PCDH9: variants seen among roughly 807,000 people sequenced by gnomAD.
PCDH9 encodes protocadherin 9.
Under a neutral mutation model 70.6 loss-of-function variants are expected in PCDH9, and 24 were observed. The ratio of observed to expected loss-of-function variants is 0.34; its 90% CI spans 0.25 to 0.48. The LOEUF is 0.48. Ranked by LOEUF, PCDH9 falls within the 20% of genes least tolerant of loss-of-function variation. The pLI is 0.99. For missense variants in PCDH9, 1,281 were observed against 1,503.6 expected (o/e 0.85, Z 2.45); for synonymous variants, 562 against 558.5 (o/e 1.01, Z -0.09).
intron 3 of PCDH9, among the ~76,000 whole-genome samples, chr13:66,687,801 T>A (rs2078425899): frequency 6.6e-6 from 1 of 152,148 alleles, no homozygotes; most frequent in Non-Finnish European, 1.5e-5. Flanking sequence ...TGCCCTCAAC[T>A]GCTCCCCTTT....
intron 3 of PCDH9, among the ~76,000 whole-genome samples, chr13:66,713,652 T>TATATATAA (rs1356252438): frequency 3.6e-5 from 5 of 139,510 alleles, no homozygotes; most frequent in African/African-American, 1.3e-4. Context: ...TATATATATA[T>TATATATAA]AATGTACACA....
At chr13:66,320,506 A>G (rs2138086824) in intron 4 of PCDH9, among the ~76,000 whole-genome samples, 1 of 152,160 alleles carries the variant, frequency 6.6e-6, no homozygotes, top group East Asian at 1.9e-4. Context: ...TTATAAAGTT[A>G]AGCTGTTGTC....
intron 4 of PCDH9, among the ~76,000 whole-genome samples, chr13:66,482,694 A>T (rs997560316): frequency 1.6e-4 from 25 of 152,232 alleles, no homozygotes; most frequent in Admixed American, 1.5e-3. Context: ...CATCAGCATC[A>T]GCAGTGTTTT....
intron 4 of PCDH9, among the ~76,000 whole-genome samples, chr13:66,530,492 T>G (rs150371312): frequency 2.6e-4 from 39 of 152,110 alleles, no homozygotes; most frequent in Non-Finnish European, 4.1e-4. Context: ...TATGGTATCT[T>G]TTTTTATTCT....
At chr13:67,157,895 G>A (rs990228107) in intron 2 of PCDH9, among the ~76,000 whole-genome samples, 17 of 152,208 alleles carry the variant, frequency 1.1e-4, no homozygotes, top group African/African-American at 4.1e-4. Context: ...CTCAGTCTGG[G>A]CTCTGGCAGA....
intron 3 of PCDH9, among the ~76,000 whole-genome samples, chr13:66,678,113 C>T (rs889382244): frequency 6.6e-6 from 1 of 152,192 alleles, no homozygotes; most frequent in African/African-American, 2.4e-5. Context: ...TTTGAAAATT[C>T]ATGAGTATTT....
chr13:66,511,572 C>T (rs1459267848), intron 4 of PCDH9, among the ~76,000 whole-genome samples: 1 of 151,930 alleles, frequency 6.6e-6, no homozygotes, highest in Admixed American at 6.6e-5. Context: ...GATGTTTTTC[C>T]TGCTCAAATC....
chr13:66,623,735 G>C (rs772285383), intron 4 of PCDH9, among the ~76,000 whole-genome samples: 6 of 152,114 alleles, frequency 3.9e-5, no homozygotes, highest in Non-Finnish European at 8.8e-5. Context: ...CACTGCACCC[G>C]AGTCATACTC....
chr13:66,944,084 A>C (rs1051555841), intron 2 of PCDH9, among the ~76,000 whole-genome samples: 1 of 152,168 alleles, frequency 6.6e-6, no homozygotes, highest in Non-Finnish European at 1.5e-5. Flanking sequence ...TCATTAAGTA[A>C]TTTATCAAAC....
chr13:66,842,942 C>T (rs564460689), intron 3 of PCDH9, among the ~76,000 whole-genome samples: 20 of 152,234 alleles, frequency 1.3e-4, no homozygotes, highest in South Asian at 1.0e-3. Context: ...ATGGAAACCA[C>T]GAAAGAAGGG....
intron 3 of PCDH9, among the ~76,000 whole-genome samples, chr13:66,897,684 T>C (rs949508077): frequency 6.6e-6 from 1 of 152,186 alleles, no homozygotes; most frequent in Non-Finnish European, 1.5e-5. Flanking sequence ...TCTATACTAC[T>C]GCAGTATAAG....
intron 2 of PCDH9, among the ~76,000 whole-genome samples, chr13:66,989,978 G>A (rs908614628): frequency 1.3e-5 from 2 of 151,778 alleles, no homozygotes; most frequent in East Asian, 3.9e-4. Context: ...TTCAAAGACT[G>A]ATAACAAAAT....
Position 66,891,855 on chromosome 13 carries a change from T to C in PCDH9, c.3138+11649A>G, listed in dbSNP as rs538138152. On this transcript the variant is annotated intron_variant, in intron 3 of 4. Transcript: ENST00000377865. ...TTGTTTTATGTTTTGGTTTGCTTTT[T>C]GTATCATCTTTAGACTCCAGCACTG... 2.9e-4 allele frequency among the ~76,000 whole-genome samples: 44 copies of C among 152,084 alleles called. No individual in the cohort carries two copies. In the East Asian group the frequency reaches 8.3e-3, roughly 29 times the overall value.
At chr13:66,654,688 T>C (rs2077903104) in intron 3 of PCDH9, among the ~76,000 whole-genome samples, 1 of 151,896 alleles carries the variant, frequency 6.6e-6, no homozygotes, top group African/African-American at 2.4e-5. Context: ...ACAGATATAC[T>C]TGTTGTTTGT....
In PCDH9 at chr13:66,701,267, G is replaced by GTATA. The variant is rs111432563; in HGVS notation, c.3139-69860_3139-69857dup. Among the ~76,000 whole-genome samples the GTATA allele has an allele frequency of 6.9e-3, 1,031 of 150,144 alleles. 15 individuals carry two copies. Among genetic ancestry groups the GTATA allele is most frequent in the African/African-American group, 0.024 (975 of 41,052 alleles). ...TACTGTGAACAACAACCGTTTTTGT[G>GTATA]TATATATATATACACACACACGCAC... On this transcript the variant is annotated intron_variant, in intron 3 of 4. Coordinates refer to ENST00000377865, the MANE Select transcript of PCDH9 (RefSeq NM_203487.3).
At chr13:67,106,374 A>G (rs1252398667) in intron 2 of PCDH9, among the ~76,000 whole-genome samples, 1 of 152,234 alleles carries the variant, frequency 6.6e-6, no homozygotes, top group Admixed American at 6.5e-5. Flanking sequence ...TAAGATATTC[A>G]AGGTTATCTT....
intron 3 of PCDH9, among the ~76,000 whole-genome samples, chr13:66,653,693 C>A (rs1320780220): frequency 6.6e-6 from 1 of 152,012 alleles, no homozygotes; most frequent in African/African-American, 2.4e-5. Context: ...AATCGCCGGG[C>A]ACGGTGGCTC....
chr13:67,127,116 G>T lies in PCDH9; in HGVS notation c.3036+98289C>A, dbSNP rs541740816. Reference sequence around the variant, plus strand: ...CAGAGGTATTTTTGCATTATACAAAGATTTTCCTTACAGAGATTAATAGTA... The same window carrying T: ...CAGAGGTATTTTTGCATTATACAAATATTTTCCTTACAGAGATTAATAGTA... On this transcript the variant is annotated intron_variant, in intron 2 of 4. Transcript: ENST00000377865. Among the ~76,000 whole-genome samples, 4 of 152,076 alleles carry T rather than the reference G, an allele frequency of 2.6e-5. No homozygotes were observed. In the East Asian group the frequency reaches 7.7e-4, roughly 29 times the overall value.
Position 67,228,110 on chromosome 13 carries a change from A to G in PCDH9, c.331T>C (p.Phe111Leu). ...ASYAEENECF[F>L]ELEVVILPND... is the part of the protein sequence containing the mutation. ...GGGAGGATCACCACCTCAAGTTCAA[A>G]GAAACACTCATTCTCCTCAGCATAT... is the stretch of plus-strand genomic sequence containing the variant. Residue 111 changes from phenylalanine (F) to leucine (L), a missense_variant, in exon 2 of 5, where the codon TTT becomes CTT. Phe to Leu is a conservative substitution (Grantham distance 22). Coordinates refer to ENST00000377865, the MANE Select transcript of PCDH9 (RefSeq NM_203487.3). 6.2e-7 allele frequency: 1 copy of G among 1,614,184 alleles called. No homozygotes were observed. Among genetic ancestry groups the G allele is most frequent in the South Asian group, 1.1e-5 (1 of 91,086 alleles).
Sources: gnomAD v4.1 joint callset for allele counts (sites outside exome capture counted in the v4.1 genomes callset) on GRCh38, gnomAD v4.1.1 for gene constraint, MANE v1.5 for transcripts, NCBI Gene and HGNC (gene_info 2026-07-23, HGNC 2026-07-21) for gene names.